The following PLEKHG1 variants were observed in gnomAD, a reference collection of about 807,000 sequenced individuals.
PLEKHG1 encodes the protein pleckstrin homology domain-containing family G member 1.
A neutral mutation model predicts 100.8 loss-of-function variants in PLEKHG1; 44 were observed. That is an observed-to-expected ratio of 0.44 (90% CI 0.34 to 0.56). The LOEUF is 0.56. PLEKHG1 is among the 20% of genes least tolerant of loss of function. PLEKHG1 has a pLI of 0.01. For synonymous variants in PLEKHG1, 640 were observed against 662.5 expected, an observed-to-expected ratio of 0.97 and a Z score of 0.52; for missense variants, 1,545 against 1,720.9, an observed-to-expected ratio of 0.90 and a Z score of 1.81.
intron 14 of PLEKHG1, among the ~76,000 whole-genome samples, chr6:150,827,402 C>CA (rs1169687225): frequency 6.6e-6 from 1 of 152,014 alleles, no homozygotes; most frequent in Non-Finnish European, 1.5e-5. Context: ...CTCAGCCTCC[C>CA]AAGTAGCTGG....
At position 150,831,674 on chromosome 6, in the gene PLEKHG1, G is replaced by T. The variant is rs774611425; in HGVS notation, c.2563G>T (p.Asp855Tyr). 2 of 1,612,972 alleles carry T rather than the reference G, an allele frequency of 1.2e-6. No homozygotes were observed. Among genetic ancestry groups the T allele is most frequent in the African/African-American group, 2.7e-5 (2 of 75,066 alleles). The change falls in exon 15 of 16, where the codon GAC becomes TAC. Residue 855 changes from aspartate to tyrosine, a missense_variant. Asp to Tyr is a radical substitution (Grantham distance 160, BLOSUM62 -3). Transcript: ENST00000358517. This position sits in a 1 kb window ranked among gnomAD's most constrained non-coding sequence, Gnocchi z 4.1. ...CAAGAAAAATGAAGACAAGGCCAGA[G>T]ACCGTCTCCTGGCAGCGTTTCCTGT...
At chr6:150,820,681 A>G (rs1321552599) in intron 12 of PLEKHG1, among the ~76,000 whole-genome samples, 2 of 152,112 alleles carry the variant, frequency 1.3e-5, no homozygotes, top group African/African-American at 4.8e-5. Flanking sequence ...TCTGGCCAAC[A>G]TGGTGAAACC....
intron 3 of PLEKHG1, among the ~76,000 whole-genome samples, chr6:150,697,370 A>G (rs1006860823): frequency 5.3e-5 from 8 of 152,206 alleles, no homozygotes; most frequent in Non-Finnish European, 7.4e-5. Flanking sequence ...TAGGAAGACT[A>G]TCTTAGCTCT....
At chr6:150,648,418 A>G (rs756263015) in intron 2 of PLEKHG1, among the ~76,000 whole-genome samples, 5 of 152,142 alleles carry the variant, frequency 3.3e-5, no homozygotes, top group Non-Finnish European at 4.4e-5. Context: ...ACACTGAGAG[A>G]TGACCATATG....
intron 1 of PLEKHG1, among the ~76,000 whole-genome samples, chr6:150,601,860 C>T (rs1475258779): frequency 2.0e-5 from 3 of 152,206 alleles, no homozygotes; most frequent in Admixed American, 2.0e-4. Context: ...GCTTCCCCTA[C>T]TCTAAATGGG....
At chr6:150,610,001 G>A (rs561315936) in intron 1 of PLEKHG1, among the ~76,000 whole-genome samples, 2 of 152,196 alleles carry the variant, frequency 1.3e-5, no homozygotes, top group Non-Finnish European at 1.5e-5. Context: ...ATGCTGTGAC[G>A]CGATGCTGGG....
At chr6:150,789,096 T>G (rs1340329124) in intron 4 of PLEKHG1, among the ~76,000 whole-genome samples, 13 of 152,192 alleles carry the variant, frequency 8.5e-5, no homozygotes, top group Non-Finnish European at 2.9e-5. Flanking sequence ...GAAGAAACCC[T>G]AAAATCATAC....
intron 3 of PLEKHG1, among the ~76,000 whole-genome samples, chr6:150,786,143 A>G (rs1207959127): frequency 6.6e-6 from 1 of 152,158 alleles, no homozygotes; most frequent in Non-Finnish European, 1.5e-5. Context: ...TGCAAAACTT[A>G]AAGATAGGCA....
intron 2 of PLEKHG1, among the ~76,000 whole-genome samples, chr6:150,737,523 A>G (rs987619351): frequency 6.6e-6 from 1 of 151,806 alleles, no homozygotes. Context: ...CGATCTCCTG[A>G]CCTCATGATC....
chr6:150,612,056 C>CT (rs1184165418), intron 1 of PLEKHG1, among the ~76,000 whole-genome samples: 2 of 107,836 alleles, frequency 1.9e-5, no homozygotes, highest in Non-Finnish European at 4.3e-5. Context: ...CCCCCCCCCC[C>CT]CCCCTTTTCT....
At chr6:150,793,391 C>A (rs1304069522) in intron 4 of PLEKHG1, among the ~76,000 whole-genome samples, 1 of 152,146 alleles carries the variant, frequency 6.6e-6, no homozygotes, top group Non-Finnish European at 1.5e-5. Flanking sequence ...CAGAGCAAGA[C>A]CCTGTCTTGA....
chr6:150,732,009 T>G (rs2128616758), intron 1 of PLEKHG1, among the ~76,000 whole-genome samples: 1 of 149,824 alleles, frequency 6.7e-6, no homozygotes, highest in Admixed American at 6.7e-5. Context: ...TCGCCCAGTC[T>G]GGAGTGCAGT....
chr6:150,698,697 T>TGGAAA (rs1780648751), intron 3 of PLEKHG1, among the ~76,000 whole-genome samples: 1 of 152,224 alleles, frequency 6.6e-6, no homozygotes. Context: ...TGTGTGTTCT[T>TGGAAA]TTCCAACAGT....
chr6:150,772,272 AACTGT>A (rs1418997120), intron 3 of PLEKHG1, among the ~76,000 whole-genome samples: 1 of 152,236 alleles, frequency 6.6e-6, no homozygotes, highest in Non-Finnish European at 1.5e-5. Context: ...CTTAGTACAC[AACTGT>A]GCTGGAACTG....
At chr6:150,659,514 G>A (rs1208629342) in intron 3 of PLEKHG1, among the ~76,000 whole-genome samples, 2 of 152,146 alleles carry the variant, frequency 1.3e-5, no homozygotes, top group African/African-American at 2.4e-5. Context: ...TTTCAGTTTA[G>A]TTGTGGATAT....
exon 16 of PLEKHG1, chr6:150,840,031 G>A: frequency 6.2e-7 from 1 of 1,614,106 alleles, no homozygotes; most frequent in Non-Finnish European, 8.5e-7. Flanking sequence ...GCAGATTTCT[G>A]TCTCCCACCA....
intron 14 of PLEKHG1, among the ~76,000 whole-genome samples, chr6:150,824,572 A>C (rs1272373163): frequency 6.6e-6 from 1 of 150,664 alleles, no homozygotes; most frequent in Non-Finnish European, 1.5e-5. Context: ...CCCAGGCTGG[A>C]GTGCAGTGGT....
Position 150,683,950 on chromosome 6 carries a change from T to A in PLEKHG1, c.-99+33164T>A. 4.0e-6 allele frequency: 2 copies of A among 498,002 alleles called. No individual in the cohort carries two copies. Among genetic ancestry groups the A allele is most frequent in the Non-Finnish European group, 6.5e-6 (2 of 306,730 alleles). 30.8% of individuals were successfully genotyped at this position (498,002 alleles called of 1,614,324 possible). A position where few individuals can be genotyped will look rare whatever the true frequency, so the allele number is the denominator to read the frequency against. On this transcript the variant is annotated intron_variant, in intron 3 of 3. Coordinates refer to the PLEKHG1 transcript ENST00000367326. This position sits in a 1 kb window ranked among gnomAD's most constrained non-coding sequence, Gnocchi z 4.0. ...TGGTGGCAAGGGCAGTGGCAAGTAG[T>A]GGGTTTCATGGAAGGATAAAAGTAT...
chr6:150,729,586 C>A (rs1166164100), intron 1 of PLEKHG1, among the ~76,000 whole-genome samples: 1 of 152,172 alleles, frequency 6.6e-6, no homozygotes, highest in East Asian at 1.9e-4. Context: ...AGCAATGAAT[C>A]AACATAAAAA....
Sources: allele counts gnomAD v4.1 joint callset (sites outside exome capture counted in the v4.1 genomes callset), GRCh38; gene constraint gnomAD v4.1.1; non-coding constraint Gnocchi (gnomAD v3.1); transcripts MANE v1.5; gene names NCBI Gene and HGNC (gene_info 2026-07-23, HGNC 2026-07-21).